Variants in EMSY observed in about 807,000 individuals in gnomAD.
EMSY encodes EMSY transcriptional repressor, BRCA2 interacting.
EMSY carries 26 observed loss-of-function variants against 134.6 expected under a neutral mutation model. The observed-to-expected ratio is 0.19, with a 90% confidence interval of 0.14 to 0.27. The LOEUF (loss-of-function observed/expected upper bound fraction) is 0.27, where lower values mean the gene tolerates loss of function less well. Ranked by LOEUF, EMSY falls within the 10% of genes least tolerant of loss-of-function variation. The probability of loss-of-function intolerance (pLI) is 1.00; values close to 1 mark genes in which losing one functional copy is unlikely to be tolerated. For missense variants in EMSY, 1,305 were observed against 1,611.4 expected, an observed-to-expected ratio of 0.81 and a Z score of 3.26; for synonymous variants, 579 against 577.8, an observed-to-expected ratio of 1.00 and a Z score of -0.03.
intron 14 of EMSY, among the ~76,000 whole-genome samples, chr11:76,534,828 A>G (rs941789150): frequency 6.6e-6 from 1 of 152,162 alleles, no homozygotes; most frequent in Non-Finnish European, 1.5e-5. Context: ...TAATCTGAAT[A>G]TAGAGGAAGG....
chr11:76,480,360 T>G (rs1948922542), intron 8 of EMSY, among the ~76,000 whole-genome samples: 2 of 152,172 alleles, frequency 1.3e-5, no homozygotes, highest in Admixed American at 6.5e-5. Flanking sequence ...AAAGCATGTA[T>G]TACTAGGGAT....
chr11:76,448,828 C>T (rs1394258427), intron 2 of EMSY, among the ~76,000 whole-genome samples: 2 of 151,608 alleles, frequency 1.3e-5, no homozygotes, highest in African/African-American at 4.9e-5. Context: ...TTAGCTGTAT[C>T]CTTTAAAAAA....
intron 11 of EMSY, among the ~76,000 whole-genome samples, chr11:76,522,267 G>C (rs991666935): frequency 6.9e-6 from 1 of 144,018 alleles, no homozygotes; most frequent in East Asian, 2.2e-4. Flanking sequence ...GCAAATTAGA[G>C]TTTTATCCTC....
intron 8 of EMSY, among the ~76,000 whole-genome samples, chr11:76,495,639 A>G (rs1949622607): frequency 6.6e-6 from 1 of 152,122 alleles, no homozygotes; most frequent in Non-Finnish European, 1.5e-5. Flanking sequence ...TCATATGATT[A>G]TTTAATGATT....
chr11:76,519,111 C>A (rs1309012380), intron 11 of EMSY, among the ~76,000 whole-genome samples: 1 of 147,748 alleles, frequency 6.8e-6, no homozygotes, highest in African/African-American at 2.5e-5. Flanking sequence ...GTCACCTAGG[C>A]TGGAATGCAG....
chr11:76,489,602 A>T, intron 8 of EMSY, among the ~76,000 whole-genome samples: 1 of 136,078 alleles, frequency 7.3e-6, no homozygotes. Flanking sequence ...TGTTTGCTTG[A>T]TGTATCTTTT....
At chr11:76,448,218 CCTTTTTATTCCACCCAAGGCCA>C (rs1947502109) in intron 2 of EMSY, among the ~76,000 whole-genome samples, 1 of 152,146 alleles carries the variant, frequency 6.6e-6, no homozygotes. Context: ...CCCTGCCTGT[CCTTTTTATTCCACCCAAGGCCA>C]CTATGAGGAT....
chr11:76,496,106 T>C (rs911722952), intron 8 of EMSY, 109 bp from the exon 10 acceptor site: 11 of 1,231,746 alleles, frequency 8.9e-6, no homozygotes, highest in Non-Finnish European at 1.2e-5. Context: ...TAAATTGTAC[T>C]TTTTGTTGAT....
chr11:76,458,539 G>A (rs2135026240), intron 5 of EMSY, 181 bp downstream of exon 6: 1 of 583,740 alleles, frequency 1.7e-6, no homozygotes, highest in East Asian at 3.5e-5. Context: ...ACAAAATTTA[G>A]TCTCCCTTTT....
intron 9 of EMSY, among the ~76,000 whole-genome samples, chr11:76,501,045 TA>T (rs1375575370): frequency 6.6e-6 from 1 of 152,232 alleles, no homozygotes; most frequent in Middle Eastern, 3.2e-3. Context: ...CTGTATACTT[TA>T]AATCATCTCT....
chr11:76,537,829 C>T (rs779688181), exon 16 of EMSY: 16 of 1,609,074 alleles, frequency 9.9e-6, no homozygotes, highest in Non-Finnish European at 1.4e-5. Context: ...CAAGACAACC[C>T]ACTATTGACC....
chr11:76,506,007 A>G (rs1251094464), intron 9 of EMSY, among the ~76,000 whole-genome samples: 1 of 152,124 alleles, frequency 6.6e-6, no homozygotes, highest in African/African-American at 2.4e-5. Context: ...CTACAAAAAA[A>G]ATTTTTTTAA....
At chr11:76,533,475 A>G (rs920594181) in intron 14 of EMSY, among the ~76,000 whole-genome samples, 1 of 125,358 alleles carries the variant, frequency 8.0e-6, no homozygotes, top group African/African-American at 2.7e-5. Flanking sequence ...CTTAGAAAGT[A>G]GTGAGTACTT....
At chr11:76,504,447 T>G (rs1339250931) in intron 9 of EMSY, among the ~76,000 whole-genome samples, 3 of 152,114 alleles carry the variant, frequency 2.0e-5, no homozygotes, top group Middle Eastern at 3.2e-3. Context: ...ACATCATTAG[T>G]TATCAGGTAA....
At chr11:76,463,827 G>A (rs2135172884) in exon 7 of EMSY, 3 of 1,614,168 alleles carry the variant, frequency 1.9e-6, no homozygotes, top group Non-Finnish European at 1.7e-6. Flanking sequence ...TCAGGTGTAA[G>A]CTGTTCAGAT....
intron 8 of EMSY, among the ~76,000 whole-genome samples, chr11:76,480,583 T>A (rs2135486390): frequency 6.6e-6 from 1 of 152,284 alleles, no homozygotes; most frequent in East Asian, 1.9e-4. Context: ...CTTAGACCAG[T>A]GAAGAGTTAA....
exon 10 of EMSY, chr11:76,513,505 A>G: frequency 6.2e-7 from 1 of 1,613,540 alleles, no homozygotes; most frequent in Non-Finnish European, 8.5e-7. Context: ...TGGTGCAATT[A>G]TGACAACTAA....
intron 17 of EMSY, among the ~76,000 whole-genome samples, chr11:76,540,390 A>G (rs904819301): frequency 2.6e-5 from 4 of 152,142 alleles, no homozygotes; most frequent in East Asian, 1.9e-4. Context: ...AACCTTGACT[A>G]TCTTTTTTTC....
intron 8 of EMSY, among the ~76,000 whole-genome samples, chr11:76,488,535 G>GT (rs151320745): frequency 4.1e-4 from 58 of 142,088 alleles, no homozygotes; most frequent in African/African-American, 1.4e-3. Flanking sequence ...TTTTTTTTTT[G>GT]TTTTTTTTTT....
Sources: gnomAD v4.1 joint callset for allele counts (sites outside exome capture counted in the v4.1 genomes callset) on GRCh38, gnomAD v4.1.1 for gene constraint, MANE v1.5 for transcripts, NCBI Gene and HGNC (gene_info 2026-07-23, HGNC 2026-07-21) for gene names.